TPD52: variants seen among roughly 807,000 people sequenced by gnomAD.
TPD52 encodes prostate and colon associated protein.
In TPD52, 17 loss-of-function variants were observed where a neutral mutation model predicts 31.3. The observed-to-expected ratio is 0.54, with a 90% confidence interval of 0.37 to 0.82. The LOEUF is 0.82. TPD52 is among the 40% of genes least tolerant of loss of function. TPD52 has a pLI of 0.00. For missense variants in TPD52, 212 were observed against 240.1 expected (o/e 0.88, Z 0.77); for synonymous variants, 83 against 89.6 (o/e 0.93, Z 0.42).
At chr8:80,032,777 A>C (rs1439632086), downstream of TPD52, 1 of 152,270 alleles carries the variant, frequency 6.6e-6, no homozygotes, top group Non-Finnish European at 1.5e-5. Flanking sequence ...CCATGTGTGC[A>C]AACCAAGAAG....
chr8:80,040,569 T>G (rs1810288024), intron 7 of TPD52, among the ~76,000 whole-genome samples: 1 of 152,206 alleles, frequency 6.6e-6, no homozygotes, highest in African/African-American at 2.4e-5. Flanking sequence ...TCATTACAAT[T>G]TATAGAATCT....
intron 1 of TPD52, among the ~76,000 whole-genome samples, chr8:80,119,633 CT>C (rs1271209585): frequency 2.0e-5 from 3 of 152,018 alleles, no homozygotes; most frequent in African/African-American, 7.3e-5. Flanking sequence ...TACTTTATAC[CT>C]TGCTGTTCAT....
At chr8:80,151,221 C>T (rs1810547120) in intron 1 of TPD52, among the ~76,000 whole-genome samples, 1 of 152,188 alleles carries the variant, frequency 6.6e-6, no homozygotes, top group South Asian at 2.1e-4. Context: ...CACCTTCTGC[C>T]ATGATTGTGA....
downstream of TPD52, among the ~76,000 whole-genome samples, chr8:80,031,413 G>A (rs1809690291): frequency 6.6e-6 from 1 of 152,194 alleles, no homozygotes; most frequent in Non-Finnish European, 1.5e-5. Flanking sequence ...CTCCAGGTGA[G>A]TTCTCCCTCT....
chr8:80,148,158 AT>A (rs59745938), intron 1 of TPD52, among the ~76,000 whole-genome samples: 96,117 of 149,508 alleles, frequency 0.64, 32,175 homozygotes, highest in African/African-American at 0.86. Context: ...CCACTTCTAA[AT>A]TTTTTTTTTT....
At chr8:80,104,866 C>G (rs745482164) in intron 1 of TPD52, among the ~76,000 whole-genome samples, 1 of 151,880 alleles carries the variant, frequency 6.6e-6, no homozygotes, top group East Asian at 1.9e-4. Context: ...TCAAGACCAG[C>G]CTGGGCAACG....
At chr8:80,119,446 G>A (rs779321623) in intron 1 of TPD52, among the ~76,000 whole-genome samples, 3 of 152,130 alleles carry the variant, frequency 2.0e-5, no homozygotes, top group Non-Finnish European at 2.9e-5. Context: ...TTTTTAAAAA[G>A]CAAAGCAAAG....
At chr8:80,094,408 A>G (rs1816524890) in intron 1 of TPD52, among the ~76,000 whole-genome samples, 1 of 131,978 alleles carries the variant, frequency 7.6e-6, no homozygotes, top group Non-Finnish European at 1.6e-5. Flanking sequence ...CCATGTGACT[A>G]AGTTCTAGAC....
intron 1 of TPD52, among the ~76,000 whole-genome samples, chr8:80,091,284 C>G (rs1044698917): frequency 2.0e-5 from 3 of 152,056 alleles, no homozygotes; most frequent in Non-Finnish European, 4.4e-5. Context: ...TTGGCTAACA[C>G]GGTGAAACCC....
Position 80,038,125 on chromosome 8 carries a change from C to T in TPD52, c.615G>A (p.Glu205=). 6.2e-7 allele frequency: 1 copy of T among 1,614,074 alleles called. No individual in the cohort carries two copies. The highest frequency in any genetic ancestry group is 8.5e-7 in the Non-Finnish European group (1 of 1,179,956). Residue 205 remains glutamate, a synonymous_variant, in exon 8 of 8, where the codon GAG becomes GAA. Coordinates refer to ENST00000518937, the MANE Select transcript of TPD52 (RefSeq NM_001025253.3). ...AACAAAGGTAGGAATCTCACAGGCT[C>T]TCCTGTGTCTTTTCTGGAAGAGGCT... ...TTEPLPEKTQ[E]SL
chr8:80,128,019 C>G (rs548559249), intron 1 of TPD52, among the ~76,000 whole-genome samples: 11 of 151,354 alleles, frequency 7.3e-5, no homozygotes, highest in African/African-American at 2.4e-4. Context: ...CATTTTCTAA[C>G]AAGCAGCTAA....
At chr8:80,139,520 T>C (rs983401909) in intron 1 of TPD52, among the ~76,000 whole-genome samples, 34 of 151,722 alleles carry the variant, frequency 2.2e-4, no homozygotes, top group African/African-American at 7.3e-4. Context: ...TCCAGATTAA[T>C]ACAGTTAATA....
At chr8:80,122,416 G>A (rs895243358) in intron 1 of TPD52, among the ~76,000 whole-genome samples, 1 of 152,248 alleles carries the variant, frequency 6.6e-6, no homozygotes, top group East Asian at 1.9e-4. Context: ...ATGGGCATGC[G>A]CATCAGAGAG....
chr8:80,058,423 A>G (rs924009863), intron 2 of TPD52, among the ~76,000 whole-genome samples: 6 of 152,260 alleles, frequency 3.9e-5, no homozygotes, highest in Non-Finnish European at 8.8e-5. Flanking sequence ...GAGGTTGCAC[A>G]AGAGTATATT....
chr8:80,148,264 T>C (rs905519876), intron 1 of TPD52, among the ~76,000 whole-genome samples: 1 of 151,890 alleles, frequency 6.6e-6, no homozygotes, highest in African/African-American at 2.4e-5. Context: ...GTGATCCTCC[T>C]GCCTCAGCCT....
intron 1 of TPD52, chr8:80,122,993 G>C (rs1209676130): frequency 1.3e-5 from 2 of 152,422 alleles, no homozygotes; most frequent in East Asian, 3.8e-4. Flanking sequence ...CAGGTCAGCA[G>C]TGGGGCATGG....
intron 6 of TPD52, among the ~76,000 whole-genome samples, chr8:80,043,300 T>C (rs1810551858): frequency 6.6e-6 from 1 of 152,082 alleles, no homozygotes; most frequent in Non-Finnish European, 1.5e-5. Flanking sequence ...TTCACATCTA[T>C]CCATATTAAT....
chr8:80,071,556 C>T (rs1311463870), intron 1 of TPD52, among the ~76,000 whole-genome samples: 3 of 152,118 alleles, frequency 2.0e-5, no homozygotes, highest in African/African-American at 7.2e-5. Context: ...CATCTAGCCA[C>T]GCCAAGGCCA....
chr8:80,124,971 C>T (rs959863402), intron 1 of TPD52, among the ~76,000 whole-genome samples: 4 of 152,154 alleles, frequency 2.6e-5, no homozygotes, highest in African/African-American at 4.8e-5. Flanking sequence ...TTGCTACAAT[C>T]GATAAACCTA....
Sources: allele counts gnomAD v4.1 joint callset (sites outside exome capture counted in the v4.1 genomes callset), GRCh38; gene constraint gnomAD v4.1.1; transcripts MANE v1.5; gene names NCBI Gene and HGNC (gene_info 2026-07-23, HGNC 2026-07-21).